Variants in AKAP13 observed in about 807,000 individuals in gnomAD.
AKAP13 encodes A-kinase anchoring protein 13.
A neutral mutation model predicts 264.5 loss-of-function variants in AKAP13; 80 were observed. The ratio of observed to expected loss-of-function variants is 0.30; its 90% CI spans 0.25 to 0.36. The LOEUF (loss-of-function observed/expected upper bound fraction) is 0.36. AKAP13 is among the 10% of genes least tolerant of loss of function. AKAP13 has a pLI of 1.00. For synonymous variants in AKAP13, 1,380 were observed against 1,250.2 expected (o/e 1.10, Z -2.19); for missense variants, 3,712 against 3,435.2 (o/e 1.08, Z -2.01).
chr15:85,485,792 T>A (rs1373832775), intron 2 of AKAP13, 39 bp downstream of exon 2: 36 of 1,595,904 alleles, frequency 2.3e-5, no homozygotes, highest in Non-Finnish European at 2.7e-5. Flanking sequence ...TTTGTGTTTA[T>A]CTGTTCTGCT....
At chr15:85,690,545 AT>A (rs1248261769) in intron 16 of AKAP13, among the ~76,000 whole-genome samples, 2 of 152,110 alleles carry the variant, frequency 1.3e-5, no homozygotes, top group South Asian at 4.1e-4. Context: ...CTCTCTCATT[AT>A]TTTTTATAGT....
At chr15:85,655,842 C>A (rs1596927639) in intron 11 of AKAP13, 55 bp downstream of exon 11, 2 of 1,537,986 alleles carry the variant, frequency 1.3e-6, no homozygotes, top group Non-Finnish European at 1.7e-6. Context: ...TTTTGAGAAG[C>A]TTCTGATTTG....
At chr15:85,483,702 T>A (rs1385068270) in intron 1 of AKAP13, among the ~76,000 whole-genome samples, 3 of 146,904 alleles carry the variant, frequency 2.0e-5, no homozygotes, top group African/African-American at 7.7e-5. Flanking sequence ...TCTCAGCTAC[T>A]CGAGAGGCTG....
At chr15:85,659,404 C>A (rs2083238316) in intron 12 of AKAP13, among the ~76,000 whole-genome samples, 1 of 152,028 alleles carries the variant, frequency 6.6e-6, no homozygotes, top group Non-Finnish European at 1.5e-5. Context: ...GGCAAGTGGG[C>A]AAATAGTGAT....
At chr15:85,729,628 A>G (rs1321960756) in intron 29 of AKAP13, among the ~76,000 whole-genome samples, 1 of 152,112 alleles carries the variant, frequency 6.6e-6, no homozygotes, top group Non-Finnish European at 1.5e-5. Flanking sequence ...TCAAGAGGAA[A>G]GTGGGTAAGG....
At position 85,673,008 on chromosome 15, in the gene AKAP13, G is replaced by C. The variant is rs554728093; in HGVS notation, c.5101+3178G>C. On this transcript the variant is annotated intron_variant, in intron 14 of 36. Coordinates refer to ENST00000394518, the MANE Select transcript of AKAP13 (RefSeq NM_007200.5). ...CTCATCCTAATCTCACTGCTTTCCA[G>C]CTTTTACCTGTGCTCTTTTTCCTTC... Among the ~76,000 whole-genome samples the C allele has an allele frequency of 3.3e-5, 5 of 152,260 alleles. No homozygotes were observed. In the South Asian group the frequency reaches 1.0e-3, roughly 32 times the overall value.
intron 1 of AKAP13, among the ~76,000 whole-genome samples, chr15:85,387,285 G>A (rs1246449791): frequency 6.6e-6 from 1 of 152,038 alleles, no homozygotes; most frequent in Non-Finnish European, 1.5e-5. Context: ...ACAGTGAGCC[G>A]ACATTGCGCC....
At chr15:85,430,447 TAGAG>T (rs763491625) in intron 1 of AKAP13, among the ~76,000 whole-genome samples, 1 of 152,212 alleles carries the variant, frequency 6.6e-6, no homozygotes, top group Non-Finnish European at 1.5e-5. Context: ...TCTTCAATTG[TAGAG>T]AGAGATTATG....
At chr15:85,556,470 A>G (rs1053135623) in intron 5 of AKAP13, among the ~76,000 whole-genome samples, 2 of 152,194 alleles carry the variant, frequency 1.3e-5, no homozygotes, top group Non-Finnish European at 2.9e-5. Context: ...AAACATGGCT[A>G]AGTGGCACAT....
Position 85,744,927 on chromosome 15 carries a change from C to T in AKAP13, c.*250C>T. The T allele has an allele frequency of 1.4e-5, 6 of 415,006 alleles. No individual in the cohort carries two copies. Among genetic ancestry groups the T allele is most frequent in the Non-Finnish European group, 2.6e-5 (6 of 233,950 alleles). 25.7% of individuals were successfully genotyped at this position (415,006 alleles called of 1,614,324 possible). A position where few individuals can be genotyped will look rare whatever the true frequency, so the allele number is the denominator to read the frequency against. ...ACTCTCAGGTTGGGCTGGCCCTACTCAGGATTACACTGAAAGTAATGGCCT... is the reference window on the plus strand; with the variant it reads ...ACTCTCAGGTTGGGCTGGCCCTACTTAGGATTACACTGAAAGTAATGGCCT... On this transcript the variant is annotated 3_prime_UTR_variant, in exon 37 of 37. Coordinates refer to ENST00000394518, the MANE Select transcript of AKAP13 (RefSeq NM_007200.5).
At chr15:85,543,648 G>A in intron 4 of AKAP13, 124 bp from the exon 5 acceptor site, 2 of 1,114,810 alleles carry the variant, frequency 1.8e-6, no homozygotes, top group Admixed American at 2.8e-5. Flanking sequence ...ACTGTATGTT[G>A]TAGCTTAACT....
At chr15:85,493,722 T>C (rs1322426259) in intron 2 of AKAP13, among the ~76,000 whole-genome samples, 1 of 152,178 alleles carries the variant, frequency 6.6e-6, no homozygotes, top group Non-Finnish European at 1.5e-5. Flanking sequence ...TTTATGAACA[T>C]AGTACATGCC....
At chr15:85,543,136 G>A (rs2077624888) in intron 4 of AKAP13, among the ~76,000 whole-genome samples, 1 of 152,136 alleles carries the variant, frequency 6.6e-6, no homozygotes, top group Non-Finnish European at 1.5e-5. Context: ...CTTAGAGTTA[G>A]TCTTCCTTAT....
At chr15:85,539,555 C>CAGAA (rs1406853270) in intron 4 of AKAP13, among the ~76,000 whole-genome samples, 2 of 152,150 alleles carry the variant, frequency 1.3e-5, no homozygotes, top group Admixed American at 1.3e-4. Context: ...GTACTGATCT[C>CAGAA]AGAACTTAGA....
At chr15:85,495,162 C>T (rs781043737) in intron 2 of AKAP13, among the ~76,000 whole-genome samples, 1 of 152,162 alleles carries the variant, frequency 6.6e-6, no homozygotes, top group Non-Finnish European at 1.5e-5. Flanking sequence ...GATGGTTACA[C>T]ATTAGCTCTG....
rs2076462159 is a variant in AKAP13 at position 85,512,476 on chromosome 15, A to G, written c.34-8952A>G. On this transcript the variant is annotated intron_variant, in intron 2 of 36. Transcript: ENST00000394518. ...GCTATGTAACATGTTCCTTCTATCAACAATGATCTCTTTACACGTATCTCT... is the reference window on the plus strand; with the variant it reads ...GCTATGTAACATGTTCCTTCTATCAGCAATGATCTCTTTACACGTATCTCT... Among the ~76,000 whole-genome samples the G allele has an allele frequency of 3.3e-5, 5 of 152,084 alleles. No homozygotes were observed. The South Asian group carries it at 1.0e-3, about 32-fold the overall frequency.
At chr15:85,420,192 C>T (rs796333434) in intron 1 of AKAP13, among the ~76,000 whole-genome samples, 5 of 151,884 alleles carry the variant, frequency 3.3e-5, no homozygotes, top group African/African-American at 7.2e-5. Flanking sequence ...CCGCCCGCCT[C>T]GGCCTCCCAA....
At chr15:85,560,357 G>A (rs779592837) in intron 5 of AKAP13, among the ~76,000 whole-genome samples, 1 of 151,868 alleles carries the variant, frequency 6.6e-6, no homozygotes, top group Non-Finnish European at 1.5e-5. Flanking sequence ...GTTTTGCCCA[G>A]CCTGGTCTTG....
intron 18 of AKAP13, among the ~76,000 whole-genome samples, chr15:85,709,841 C>T (rs1398050970): frequency 2.0e-5 from 3 of 152,084 alleles, no homozygotes; most frequent in Non-Finnish European, 4.4e-5. Context: ...GTGCCCGTCA[C>T]CATGCCCAGC....
Sources: allele counts gnomAD v4.1 joint callset (sites outside exome capture counted in the v4.1 genomes callset), GRCh38; gene constraint gnomAD v4.1.1; transcripts MANE v1.5; gene names NCBI Gene and HGNC (gene_info 2026-07-23, HGNC 2026-07-21).